The following OSBP2 variants were observed in gnomAD, a reference collection of about 807,000 sequenced individuals.
OSBP2 encodes the protein oxysterol binding protein 2.
In OSBP2, 66 loss-of-function variants were observed where a neutral mutation model predicts 96.0. The ratio of observed to expected loss-of-function variants is 0.69; its 90% CI spans 0.56 to 0.84. The LOEUF is 0.84. Ranked by LOEUF, OSBP2 falls within the 40% of genes least tolerant of loss-of-function variation. The probability of loss-of-function intolerance (pLI) is 0.00; values close to 1 mark genes in which losing one functional copy is unlikely to be tolerated. For synonymous variants in OSBP2, 525 were observed against 520.9 expected (o/e 1.01, Z -0.11); for missense variants, 1,038 against 1,222.7 (o/e 0.85, Z 2.25).
At chr22:30,860,615 G>A (rs2039191526) in intron 2 of OSBP2, among the ~76,000 whole-genome samples, 1 of 152,248 alleles carries the variant, frequency 6.6e-6, no homozygotes, top group Non-Finnish European at 1.5e-5. Flanking sequence ...CCCTGTGGAA[G>A]TCCTGGCCTG....
chr22:30,787,677 G>GA (rs1451998168), intron 2 of OSBP2, among the ~76,000 whole-genome samples: 3 of 151,372 alleles, frequency 2.0e-5, no homozygotes, highest in Admixed American at 6.6e-5. Flanking sequence ...TGTCTAAAAA[G>GA]AAAAAAGAAA....
At chr22:30,892,736 G>A (rs891880344) in intron 8 of OSBP2, among the ~76,000 whole-genome samples, 1 of 152,122 alleles carries the variant, frequency 6.6e-6, no homozygotes, top group African/African-American at 2.4e-5. Context: ...GTATAACATG[G>A]CACAGCAGAC....
intron 2 of OSBP2, among the ~76,000 whole-genome samples, chr22:30,848,594 C>G (rs2038917362): frequency 6.6e-6 from 1 of 152,140 alleles, no homozygotes; most frequent in African/African-American, 2.4e-5. Flanking sequence ...CAGTCAATAT[C>G]CCCCAACATC....
chr22:30,732,423 G>T (rs546376644), intron 1 of OSBP2, among the ~76,000 whole-genome samples: 2 of 152,152 alleles, frequency 1.3e-5, no homozygotes, highest in Non-Finnish European at 2.9e-5. Context: ...TGGCAATTAG[G>T]ATCAGTGACC....
At position 30,869,190 on chromosome 22, in the gene OSBP2, C is replaced by T. The variant is rs1249454978; in HGVS notation, c.854-1239C>T. 2.0e-5 allele frequency among the ~76,000 whole-genome samples: 3 copies of T among 152,162 alleles called. No homozygotes were observed. In the East Asian group the frequency reaches 5.8e-4, roughly 29 times the overall value. On this transcript the variant is annotated intron_variant, in intron 2 of 13. Coordinates refer to ENST00000332585, the MANE Select transcript of OSBP2 (RefSeq NM_030758.4). ...GCAGGAAAGGGGCCCTGGGCAGCTG[C>T]GTGAGAGAGAGGTAAGAGGGGGCGT...
At chr22:30,738,574 C>G (rs911264440) in intron 1 of OSBP2, among the ~76,000 whole-genome samples, 1 of 143,648 alleles carries the variant, frequency 7.0e-6, no homozygotes, top group South Asian at 2.2e-4. Flanking sequence ...TTTTTTTTTT[C>G]TTTGAGACGG....
intron 2 of OSBP2, among the ~76,000 whole-genome samples, chr22:30,832,145 A>G (rs968658737): frequency 1.4e-4 from 21 of 151,774 alleles, no homozygotes; most frequent in African/African-American, 4.6e-4. Flanking sequence ...CACTCCCACC[A>G]TCCCTCTCTG....
Position 30,701,344 on chromosome 22 carries a change from C to CTT in OSBP2, c.644+5807_644+5808dup, listed in dbSNP as rs1228654999. Among the ~76,000 whole-genome samples, 198 of 127,946 alleles carry CTT rather than the reference C, an allele frequency of 1.5e-3. 1 individual carries two copies. The highest frequency in any genetic ancestry group is 4.1e-3 in the Middle Eastern group (1 of 244). The allele number at this position is 127,946 out of a possible 152,430, so 83.9% of individuals were successfully genotyped here. Reference sequence around the variant, plus strand: ...TTTTTTTCTTTTTTCTTTTTCTTTTCTTTTTTTTTTTTTTTTTGAGACAGA... The same window carrying CTT: ...TTTTTTTCTTTTTTCTTTTTCTTTTCTTTTTTTTTTTTTTTTTTTGAGACAGA... On this transcript the variant is annotated intron_variant, in intron 1 of 13. Transcript: ENST00000332585.
chr22:30,741,639 A>G (rs1158139033), intron 2 of OSBP2, among the ~76,000 whole-genome samples: 1 of 151,968 alleles, frequency 6.6e-6, no homozygotes, highest in Non-Finnish European at 1.5e-5. Flanking sequence ...ACTTCAGCAG[A>G]CCCTTCAGAT....
chr22:30,766,666 G>C (rs1602234466), intron 2 of OSBP2, among the ~76,000 whole-genome samples: 1 of 152,068 alleles, frequency 6.6e-6, no homozygotes, highest in African/African-American at 2.4e-5. Context: ...TCACACCTGG[G>C]CCATTTCATC....
chr22:30,814,434 G>GTTT (rs11453458), intron 2 of OSBP2, among the ~76,000 whole-genome samples: 5 of 140,538 alleles, frequency 3.6e-5, no homozygotes, highest in Non-Finnish European at 4.6e-5. Context: ...ATCTCGTTGG[G>GTTT]TTTTTTTTTT....
chr22:30,822,322 G>C (rs949286542), intron 2 of OSBP2, among the ~76,000 whole-genome samples: 2 of 152,252 alleles, frequency 1.3e-5, no homozygotes, highest in Non-Finnish European at 2.9e-5. Context: ...GAGCCTGCAT[G>C]GGCGTCCGCG....
chr22:30,766,697 C>A (rs962022868), intron 2 of OSBP2, among the ~76,000 whole-genome samples: 1 of 152,100 alleles, frequency 6.6e-6, no homozygotes, highest in Admixed American at 6.6e-5. Context: ...GAGGGAGGAG[C>A]GAGGGAGTCC....
rs543297843 is a variant in OSBP2, at chr22:30,814,581, C to T, written c.854-55848C>T. Reference sequence around the variant, plus strand: ...GAGTAGCTGGGACTACAGGCACATGCCACCACTCTCAGCTATTTTTGTATT... The same window carrying T: ...GAGTAGCTGGGACTACAGGCACATGTCACCACTCTCAGCTATTTTTGTATT... On this transcript the variant is annotated intron_variant, in intron 2 of 13. Transcript: ENST00000332585. Among the ~76,000 whole-genome samples, 25 of 152,006 alleles carry T rather than the reference C, an allele frequency of 1.6e-4. No homozygotes were observed. In the South Asian group the frequency reaches 4.8e-3, roughly 29 times the overall value.
Position 30,893,846 on chromosome 22 carries a change from C to A in OSBP2, c.2220C>A (p.Gly740=), listed in dbSNP as rs1431459480. 2.5e-6 allele frequency: 4 copies of A among 1,588,668 alleles called. No individual in the cohort carries two copies. The highest frequency in any genetic ancestry group is 8.6e-7 in the Non-Finnish European group (1 of 1,167,448). ...CAGGAGTGGTGAGTGACAGCCAGGG[C>A]AAGGCCCATTACGTGCTGTCCGGCT... ...KVTGVVSDSQ[G]KAHYVLSGSW... is the part of the protein sequence containing the mutation. Residue 740 remains glycine (G), a synonymous_variant, in exon 12 of 14, where the codon GGC becomes GGA. Transcript: ENST00000332585.
At chr22:30,864,244 T>A (rs2147094685) in intron 2 of OSBP2, among the ~76,000 whole-genome samples, 1 of 152,292 alleles carries the variant, frequency 6.6e-6, no homozygotes, top group Non-Finnish European at 1.5e-5. Context: ...AGTGCTGGGA[T>A]TACATCACAT....
chr22:30,904,852 T>A (rs1228268643), intron 12 of OSBP2, among the ~76,000 whole-genome samples: 1 of 152,308 alleles, frequency 6.6e-6, no homozygotes, highest in South Asian at 2.1e-4. Context: ...AATCCCCATA[T>A]GGGCTGGGCA....
At chr22:30,739,422 C>G (rs1175043461) in intron 1 of OSBP2, among the ~76,000 whole-genome samples, 1 of 152,204 alleles carries the variant, frequency 6.6e-6, no homozygotes, top group African/African-American at 2.4e-5. Flanking sequence ...AGGCTCTGGG[C>G]CTCCAATTTC....
intron 2 of OSBP2, among the ~76,000 whole-genome samples, chr22:30,811,235 C>T (rs2091002154): frequency 6.7e-6 from 1 of 148,530 alleles, no homozygotes; most frequent in East Asian, 2.1e-4. Flanking sequence ...TTGCTTTTTT[C>T]CTTATCAATG....
Sources: allele counts gnomAD v4.1 joint callset (sites outside exome capture counted in the v4.1 genomes callset), GRCh38; gene constraint gnomAD v4.1.1; transcripts MANE v1.5; gene names NCBI Gene and HGNC (gene_info 2026-07-23, HGNC 2026-07-21).